Variants in PIEZO2 observed in about 807,000 individuals in gnomAD.
The protein encoded by PIEZO2 is piezo type mechanosensitive ion channel component 2.
In PIEZO2, 172 loss-of-function variants were observed where a neutral mutation model predicts 337.3. That is an observed-to-expected ratio of 0.51 (90% CI 0.45 to 0.58). The LOEUF is 0.58. PIEZO2 is among the 20% of genes least tolerant of loss of function. PIEZO2 has a pLI of 0.00. For missense variants in PIEZO2, 3,028 were observed against 3,391.3 expected (o/e 0.89, Z 2.66); for synonymous variants, 1,251 against 1,228.5 (o/e 1.02, Z -0.38).
intron 18 of PIEZO2, among the ~76,000 whole-genome samples, chr18:10,774,887 T>A (rs1295390699): frequency 6.6e-6 from 1 of 152,230 alleles, no homozygotes; most frequent in Non-Finnish European, 1.5e-5. Context: ...AGGTTCTGAG[T>A]AAACTATTTA....
chr18:11,062,711 T>C (rs1043404849), intron 2 of PIEZO2, among the ~76,000 whole-genome samples: 29 of 152,286 alleles, frequency 1.9e-4, no homozygotes, highest in Non-Finnish European at 3.4e-4. Context: ...CACAATGAGA[T>C]ACCATCTTAC....
chr18:10,823,179 C>A (rs1206692449), intron 7 of PIEZO2, among the ~76,000 whole-genome samples: 1 of 152,026 alleles, frequency 6.6e-6, no homozygotes, highest in East Asian at 1.9e-4. Context: ...TGTCTAGGTT[C>A]TCTTTTTAGA....
At chr18:10,742,698 G>C in intron 31 of PIEZO2, 83 bp from the exon 32 acceptor site, 2 of 1,404,336 alleles carry the variant, frequency 1.4e-6, no homozygotes, top group Non-Finnish European at 1.9e-6. Flanking sequence ...ATGCTGTTAC[G>C]TATATAGCTA....
chr18:10,723,500 G>A (rs2036406819), intron 36 of PIEZO2, among the ~76,000 whole-genome samples: 2 of 152,176 alleles, frequency 1.3e-5, no homozygotes, highest in East Asian at 1.9e-4. Context: ...AGCTGGAGGA[G>A]GGTGGGTACT....
At chr18:10,789,562 A>T (rs1793738486) in intron 14 of PIEZO2, among the ~76,000 whole-genome samples, 197 bp from the exon 15 acceptor site, 1 of 152,260 alleles carries the variant, frequency 6.6e-6, no homozygotes, top group South Asian at 2.1e-4. Flanking sequence ...TTCTCAAAAT[A>T]TAGTTTACAA....
chr18:10,786,191 C>T (rs559007306), intron 16 of PIEZO2, among the ~76,000 whole-genome samples: 43 of 152,314 alleles, frequency 2.8e-4, no homozygotes, highest in African/African-American at 1.0e-3. Flanking sequence ...ACTGCCTCAG[C>T]CTGTTGTCTG....
At chr18:10,995,914 A>G (rs1480701869) in intron 2 of PIEZO2, among the ~76,000 whole-genome samples, 2 of 152,194 alleles carry the variant, frequency 1.3e-5, no homozygotes, top group African/African-American at 4.8e-5. Flanking sequence ...GCCCTCAGGA[A>G]AAACATGTGA....
chr18:10,936,625 C>T (rs575369322), intron 3 of PIEZO2, among the ~76,000 whole-genome samples: 33 of 152,082 alleles, frequency 2.2e-4, no homozygotes, highest in Middle Eastern at 3.4e-3. Flanking sequence ...AGAGTTCTGC[C>T]AAAACTAAAA....
chr18:11,103,213 A>C (rs1156619114), intron 1 of PIEZO2, among the ~76,000 whole-genome samples: 1 of 152,222 alleles, frequency 6.6e-6, no homozygotes, highest in Non-Finnish European at 1.5e-5. Context: ...ATTGTGTGTT[A>C]GTAATTGATG....
chr18:10,931,727 A>T (rs1412196413), intron 3 of PIEZO2, among the ~76,000 whole-genome samples: 4 of 151,392 alleles, frequency 2.6e-5, no homozygotes, highest in South Asian at 2.1e-4. Context: ...AGAGAGAGAG[A>T]GAGAGAGAGA....
chr18:10,763,338 T>G, intron 21 of PIEZO2: 1 of 510,246 alleles, frequency 2.0e-6, no homozygotes, highest in Non-Finnish European at 3.5e-6. Context: ...ATCAATATCA[T>G]GTAGCACTGG....
intron 27 of PIEZO2, among the ~76,000 whole-genome samples, chr18:10,754,223 A>C (rs1430978243): frequency 6.6e-6 from 1 of 152,256 alleles, no homozygotes; most frequent in African/African-American, 2.4e-5. Flanking sequence ...TTCAAAGCGG[A>C]GCCTTAAGGA....
Position 10,837,521 on chromosome 18 carries a change from A to C in PIEZO2, c.917+17832T>G, listed in dbSNP as rs1384040978. Among the ~76,000 whole-genome samples the C allele has an allele frequency of 6.6e-6, 1 of 152,166 alleles. No homozygotes were observed. Among genetic ancestry groups the C allele is most frequent in the Non-Finnish European group, 1.5e-5 (1 of 68,028 alleles). On this transcript the variant is annotated intron_variant, in intron 7 of 55. Coordinates refer to ENST00000674853, the MANE Select transcript of PIEZO2 (RefSeq NM_001378183.1). This position sits in a 1 kb window ranked among gnomAD's most constrained non-coding sequence, Gnocchi z 4.4. ...CTTTAGAATGTTGGGGCCAGCAAGA[A>C]AGCTTGAGAACCACTGGTAGATGGT...
chr18:10,930,321 C>G (rs901525265), intron 3 of PIEZO2, among the ~76,000 whole-genome samples: 1 of 152,194 alleles, frequency 6.6e-6, no homozygotes, highest in Non-Finnish European at 1.5e-5. Context: ...AACTTGGCTT[C>G]CACAACTCCC....
At position 11,039,387 on chromosome 18, in the gene PIEZO2, G is replaced by C. The variant is rs147483339; in HGVS notation, c.160+26740C>G. Among the ~76,000 whole-genome samples the C allele has an allele frequency of 6.3e-3, 960 of 152,280 alleles. 4 individuals are homozygous for C. Among genetic ancestry groups the C allele is most frequent in the African/African-American group, 0.022 (915 of 41,554 alleles). On this transcript the variant is annotated intron_variant, in intron 2 of 55. Transcript: ENST00000674853. ...AGCTATTGCAGGCTCCAAGATATTA[G>C]AGACATCGTTTGAACAGATTTCTTC... is the stretch of plus-strand genomic sequence containing the variant.
chr18:10,760,034 G>A, intron 24 of PIEZO2, 125 bp from the exon 25 acceptor site: 2 of 790,712 alleles, frequency 2.5e-6, no homozygotes, highest in Admixed American at 2.4e-5. Context: ...TGTCTGCACA[G>A]ATTCACAAAT....
chr18:11,013,941 C>G (rs747617505), intron 2 of PIEZO2, among the ~76,000 whole-genome samples: 2 of 152,120 alleles, frequency 1.3e-5, no homozygotes, highest in Non-Finnish European at 2.9e-5. Flanking sequence ...AAGACATTAC[C>G]GAGGGATACA....
At chr18:10,959,049 G>T (rs2033659145) in intron 3 of PIEZO2, among the ~76,000 whole-genome samples, 1 of 152,020 alleles carries the variant, frequency 6.6e-6, no homozygotes. Flanking sequence ...GTAGTGTAGA[G>T]GGAAGACATT....
chr18:10,700,422 T>C (rs2156617), intron 43 of PIEZO2, among the ~76,000 whole-genome samples: 36,264 of 151,784 alleles, frequency 0.24, 4,437 homozygotes, highest in South Asian at 0.28. Context: ...ATATATTTAA[T>C]TAAAATTTTT....
Sources: allele counts gnomAD v4.1 joint callset (sites outside exome capture counted in the v4.1 genomes callset), GRCh38; gene constraint gnomAD v4.1.1; non-coding constraint Gnocchi (gnomAD v3.1); transcripts MANE v1.5; gene names NCBI Gene and HGNC (gene_info 2026-07-23, HGNC 2026-07-21).